HECTD3: variants seen among roughly 807,000 people sequenced by gnomAD.
HECTD3 encodes the protein E3 ubiquitin-protein ligase HECTD3.
In HECTD3, 72 loss-of-function variants were observed where a neutral mutation model predicts 109.3. The observed-to-expected ratio is 0.66, with a 90% CI of 0.54 to 0.80. The LOEUF (loss-of-function observed/expected upper bound fraction) is 0.80. Among genes scored for constraint, HECTD3 ranks in the 30% least tolerant of loss-of-function variants. The pLI is 0.00. For synonymous variants in HECTD3, 481 were observed against 471.8 expected (o/e 1.02, Z -0.25); for missense variants, 1,041 against 1,165.2 (o/e 0.89, Z 1.55).
rs1055158884 is a variant in HECTD3 at position 45,003,211 on chromosome 1, G to A, written c.*281C>T. 16 of 469,958 alleles carry A rather than the reference G, an allele frequency of 3.4e-5. No individual in the cohort carries two copies. The highest frequency in any genetic ancestry group is 6.2e-5 in the Non-Finnish European group (16 of 256,076). 29.1% of individuals were successfully genotyped at this position (469,958 alleles called of 1,614,324 possible). A position where few individuals can be genotyped will look rare whatever the true frequency, so the allele number is the denominator to read the frequency against. The stretch of plus-strand genomic sequence containing the variant: ...AGATGGCCCCCTTCAAGTAGCTCAG[G>A]CCTGGCAGCTTGTGCTGGGCTTGTG... On this transcript the variant is annotated 3_prime_UTR_variant, in exon 21 of 21. Coordinates refer to ENST00000372172, the MANE Select transcript of HECTD3 (RefSeq NM_024602.6). The surrounding 1 kb of genome is among the most constrained non-coding windows in gnomAD (Gnocchi z 4.7).
At chr1:45,009,325 G>A (rs777916709) in intron 6 of HECTD3, 44 bp downstream of exon 6, 8 of 1,558,632 alleles carry the variant, frequency 5.1e-6, no homozygotes, top group Non-Finnish European at 6.2e-6. Context: ...GCTGGGCTAG[G>A]CTTGGAACAT....
At chr1:45,007,644 C>A (rs4660830) in intron 9 of HECTD3, 49 bp from the exon 10 acceptor site, 17 of 1,515,016 alleles carry the variant, frequency 1.1e-5, no homozygotes, top group Non-Finnish European at 3.6e-6. Context: ...AGTCAGCCTC[C>A]GTCCAGGCCC....
chr1:45,004,620 G>A lies in HECTD3; in HGVS notation c.2122C>T (p.Leu708=), dbSNP rs1370304189. 6.2e-7 allele frequency: 1 copy of A among 1,614,142 alleles called. No homozygotes were observed. Among genetic ancestry groups the A allele is most frequent in the Admixed American group, 1.7e-5 (1 of 60,010 alleles). The change falls in exon 16 of 21, where the codon CTA becomes TTA. Residue 708 remains leucine (L), a synonymous_variant. Coordinates refer to ENST00000372172, the MANE Select transcript of HECTD3 (RefSeq NM_024602.6). Reference sequence around the variant, plus strand: ...ACTACCTGCTCCTTGCTCTCCTCTAGCCGTGCCTTCTGGACCAGTTGGATG... The same window carrying A: ...ACTACCTGCTCCTTGCTCTCCTCTAACCGTGCCTTCTGGACCAGTTGGATG... The part of the protein sequence containing the change: ...RFIQLVQKAR[L]EESKEQVAAM...
rs746892375 is a variant in HECTD3 at position 45,010,615 on chromosome 1, G to A, written c.461C>T (p.Pro154Leu). The A allele has an allele frequency of 1.2e-6, 2 of 1,612,296 alleles. No individual in the cohort carries two copies. The highest frequency in any genetic ancestry group is 1.1e-5 in the South Asian group (1 of 90,966). Residue 154 changes from proline (P) to leucine (L), a missense_variant, in exon 2 of 21, where the codon CCC (proline) becomes CTC (leucine). By Grantham distance (98) the Pro-to-Leu change is moderately conservative (BLOSUM62 -3). This residue lies in a region of HECTD3 where 472 missense variants were observed against 449.9 expected (regional missense o/e 1.05). Transcript: ENST00000372172. ...RPAEGGARLV[P>L]IDTPNHLQRQ... ...CTGGAGGTGGTTGGGAGTGTCGATG[G>A]GTACCAGGCGGGCTCCGCCCTCCGC... is the stretch of plus-strand genomic sequence containing the variant.
chr1:45,003,874 T>C lies in HECTD3; in HGVS notation c.2410A>G (p.Ile804Val). 6.2e-7 allele frequency: 1 copy of C among 1,613,462 alleles called. No homozygotes were observed. The highest frequency in any genetic ancestry group is 8.5e-7 in the Non-Finnish European group (1 of 1,179,708). The change falls in exon 19 of 21, where the codon ATC becomes GTC. Residue 804 changes from isoleucine to valine, a missense_variant. This residue lies in a region of HECTD3 where 569 missense variants were observed against 715.3 expected (regional missense o/e 0.80). Transcript: ENST00000372172. This position sits in a 1 kb window ranked among gnomAD's most constrained non-coding sequence, Gnocchi z 4.7. ...ACTCACCCCAGCTTGTCTGGGTAGA[T>C]GTAGATCCGTGCTGGCAGGCGACTG... ...GRSRLPARIYIYPDKLGYETT... is the reference protein window; with the variant it reads ...GRSRLPARIYVYPDKLGYETT...
rs755213463 is a variant in HECTD3, at chr1:45,005,976, G to C, written c.1845+21C>G. 8.7e-6 allele frequency: 14 copies of C among 1,612,460 alleles called. No homozygotes were observed. The South Asian group carries it at 1.5e-4, about 18-fold the overall frequency. ...CAAGGGCCAGGGCTGATCGGACGGG[G>C]GTGTGGATAAGGCTACTCACCAGGA... On this transcript the variant is annotated intron_variant, in intron 14 of 20. Coordinates refer to ENST00000372172, the MANE Select transcript of HECTD3 (RefSeq NM_024602.6).
intron 15 of HECTD3, 116 bp downstream of exon 15, chr1:45,005,678 G>T: frequency 1.3e-6 from 1 of 788,968 alleles, no homozygotes; most frequent in Non-Finnish European, 2.0e-6. Context: ...CCATGGGAGT[G>T]GATGGATTGG....
Position 45,007,622 on chromosome 1 carries a change from G to C in HECTD3, c.1321-27C>G, listed in dbSNP as rs758576968. 1.3e-5 allele frequency: 20 copies of C among 1,590,580 alleles called. No individual in the cohort carries two copies. The South Asian group carries it at 1.9e-4, about 15-fold the overall frequency. ...TAGTGAGGAGAGGTGGCCAGAGCAGGAATGAGTGGGCAGTCAGCCTCCGTC... is the reference window on the plus strand; with the variant it reads ...TAGTGAGGAGAGGTGGCCAGAGCAGCAATGAGTGGGCAGTCAGCCTCCGTC... On this transcript the variant is annotated intron_variant, in intron 9 of 20. Transcript: ENST00000372172.
Position 45,003,666 on chromosome 1 carries a change from C to T in HECTD3, c.2501+3G>A, listed in dbSNP as rs541806041. On this transcript the variant is annotated splice_donor_region_variant and intron_variant, in intron 20 of 20. Coordinates refer to ENST00000372172, the MANE Select transcript of HECTD3 (RefSeq NM_024602.6). This position sits in a 1 kb window ranked among gnomAD's most constrained non-coding sequence, Gnocchi z 4.7. ...CCCAAATCGAGCCTAGGAAAAAACC[C>T]ACCTGGCATAGTGTGGCAGGAAGAG... 3 of 1,614,142 alleles carry T rather than the reference C, an allele frequency of 1.9e-6. No homozygotes were observed. The highest frequency in any genetic ancestry group is 1.7e-5 in the Admixed American group (1 of 60,018).
In HECTD3 at chr1:45,010,262, G is replaced by T; in HGVS notation, c.562C>A (p.His188Asn). The T allele has an allele frequency of 6.2e-7, 1 of 1,614,038 alleles. No individual in the cohort carries two copies. The highest frequency in any genetic ancestry group is 8.5e-7 in the Non-Finnish European group (1 of 1,179,990). ...GGCTGAGGTCTCGATCCCAGGCGAT[G>T]TGAGTATGTCAGGTCCACCACCTGT... is the stretch of plus-strand genomic sequence containing the variant. ...WEQVVDLTYS[H>N]RLGSRPQPAE... Residue 188 changes from histidine to asparagine, a missense_variant, in exon 3 of 21, where the codon CAT becomes AAT. Coordinates refer to ENST00000372172, the MANE Select transcript of HECTD3 (RefSeq NM_024602.6).
chr1:45,007,758 G>A (rs146976893), intron 9 of HECTD3, among the ~76,000 whole-genome samples, 163 bp from the exon 10 acceptor site: 50 of 152,294 alleles, frequency 3.3e-4, no homozygotes, highest in African/African-American at 1.2e-3. Flanking sequence ...CCACCAGGGA[G>A]AGCTTTCTAA....
rs751793023 is a variant in HECTD3 at position 45,008,333 on chromosome 1, A to G, written c.1239-12T>C. The G allele has an allele frequency of 6.2e-7, 1 of 1,609,702 alleles. No individual in the cohort carries two copies. The highest frequency in any genetic ancestry group is 8.5e-7 in the Non-Finnish European group (1 of 1,175,944). Reference sequence around the variant, plus strand: ...GGATCTTGATGAATCTGGCATGGGTAGATAGACTGCAGCTAAAGAGTTTAG... The same window carrying G: ...GGATCTTGATGAATCTGGCATGGGTGGATAGACTGCAGCTAAAGAGTTTAG... On this transcript the variant is annotated splice_polypyrimidine_tract_variant and intron_variant, in intron 8 of 20. Transcript: ENST00000372172.
Position 45,011,298 on chromosome 1 carries a change from CG to C in HECTD3, c.-42del. The C allele has an allele frequency of 2.2e-6, 3 of 1,349,782 alleles. No homozygotes were observed. Among genetic ancestry groups the C allele is most frequent in the Non-Finnish European group, 2.8e-6 (3 of 1,056,204 alleles). 83.6% of individuals were successfully genotyped at this position (1,349,782 alleles called of 1,614,324 possible). The stretch of plus-strand genomic sequence containing the variant: ...GTGAGCACCTAGAGGCGACCCTGCC[CG>C]GGGAACAGCTGGCGCGACCGCGGAC... On this transcript the variant is annotated 5_prime_UTR_variant, in exon 1 of 21. Coordinates refer to ENST00000372172, the MANE Select transcript of HECTD3 (RefSeq NM_024602.6).
Position 45,008,604 on chromosome 1 carries a change from C to G in HECTD3, c.1170G>C (p.Leu390=), listed in dbSNP as rs758268136. The part of the protein sequence containing the change: ...LNADLFQPTS[L]VRYPRLEGTD... ...TGCCTTCTAGGCGTGGATATCGCAC[C>G]AGACTAGTTGGCTGGAACAGGTCTG... Residue 390 remains leucine, a synonymous_variant, in exon 8 of 21, where the codon CTG becomes CTC. Transcript: ENST00000372172. The G allele has an allele frequency of 1.2e-6, 2 of 1,613,972 alleles. No homozygotes were observed. The highest frequency in any genetic ancestry group is 2.2e-5 in the East Asian group (1 of 44,886).
chr1:45,004,504 T>TG, intron 16 of HECTD3, 96 bp downstream of exon 16: 2 of 1,591,394 alleles, frequency 1.3e-6, no homozygotes, highest in Non-Finnish European at 1.7e-6. Flanking sequence ...CCAGAGTTCT[T>TG]GGAGTACTGG....
At position 45,003,484 on chromosome 1, in the gene HECTD3, G is replaced by A. The variant is rs774800396; in HGVS notation, c.*8C>T. 1.1e-5 allele frequency: 18 copies of A among 1,613,214 alleles called. No individual in the cohort carries two copies. The highest frequency in any genetic ancestry group is 1.7e-4 in the Middle Eastern group (1 of 6,056). On this transcript the variant is annotated 3_prime_UTR_variant, in exon 21 of 21. Coordinates refer to ENST00000372172, the MANE Select transcript of HECTD3 (RefSeq NM_024602.6). This position sits in a 1 kb window ranked among gnomAD's most constrained non-coding sequence, Gnocchi z 4.7. ...CAGTCTTGCTGGTCCCACAGCCGGC[G>A]GCACGCCTCACTCCTCCCAAGGGCT...
At position 45,009,680 on chromosome 1, in the gene HECTD3, C is replaced by T. The variant is rs1644767211; in HGVS notation, c.763G>A (p.Glu255Lys). 2 of 1,612,454 alleles carry T rather than the reference C, an allele frequency of 1.2e-6. No homozygotes were observed. Among genetic ancestry groups the T allele is most frequent in the African/African-American group, 1.3e-5 (1 of 74,892 alleles). ...ESIDVSSYTE[E>K]FNVSCLTDSN... ...TCTGTCAGGCAGGACACGTTGAACT[C>T]CTCCTGGGGAGGGGCAGAGACGTGA... Residue 255 changes from glutamate to lysine, a missense_variant, in exon 5 of 21, where the codon GAG becomes AAG. By Grantham distance (56) the Glu-to-Lys change is moderately conservative. Coordinates refer to ENST00000372172, the MANE Select transcript of HECTD3 (RefSeq NM_024602.6).
intron 4 of HECTD3, 75 bp from the exon 5 acceptor site, chr1:45,009,758 C>G: frequency 8.0e-7 from 1 of 1,257,034 alleles, no homozygotes; most frequent in Non-Finnish European, 1.1e-6. Flanking sequence ...GGGCCAGGAG[C>G]ACCAGAGAGA....
At chr1:45,009,122 T>C (rs1241483624) in intron 7 of HECTD3, 22 bp downstream of exon 7, 2 of 1,601,546 alleles carry the variant, frequency 1.2e-6, no homozygotes, top group East Asian at 2.2e-5. Flanking sequence ...TCTCTTTCCC[T>C]CCTTATAGCC....
Sources: allele counts gnomAD v4.1 joint callset (sites outside exome capture counted in the v4.1 genomes callset), GRCh38; gene constraint gnomAD v4.1.1; regional missense constraint gnomAD v4.1.1; non-coding constraint Gnocchi (gnomAD v3.1); transcripts MANE v1.5; gene names NCBI Gene and HGNC (gene_info 2026-07-23, HGNC 2026-07-21).